The following NIPSNAP3A variants were observed in gnomAD, a reference collection of about 807,000 sequenced individuals.
The protein encoded by NIPSNAP3A is protein NipSnap homolog 3A.
A neutral mutation model predicts 32.3 loss-of-function variants in NIPSNAP3A; 27 were observed. That is an observed-to-expected ratio of 0.84 (90% confidence interval 0.62 to 1.15). The LOEUF (loss-of-function observed/expected upper bound fraction) is 1.15, where lower values mean the gene tolerates loss of function less well. NIPSNAP3A is among the 50% of genes most tolerant of loss of function. NIPSNAP3A has a pLI of 0.00. For missense variants in NIPSNAP3A, 278 were observed against 297.2 expected (o/e 0.94, Z 0.48); for synonymous variants, 108 against 107.3 (o/e 1.01, Z -0.04).
At chr9:104,748,055 G>A (rs1827798542) in intron 1 of NIPSNAP3A, among the ~76,000 whole-genome samples, 1 of 152,176 alleles carries the variant, frequency 6.6e-6, no homozygotes, top group South Asian at 2.1e-4. Flanking sequence ...GCCGCTGCTA[G>A]GGGAATACCC....
chr9:104,756,567 G>A (rs1046366981), intron 4 of NIPSNAP3A, among the ~76,000 whole-genome samples: 9 of 151,920 alleles, frequency 5.9e-5, no homozygotes, highest in Admixed American at 1.3e-4. Context: ...TATAGTATTA[G>A]GTCAGGAAAA....
At position 104,753,057 on chromosome 9, in the gene NIPSNAP3A, A is replaced by G. The variant is rs764446164; in HGVS notation, c.423A>G (p.Pro141=). 5.0e-6 allele frequency: 8 copies of G among 1,613,014 alleles called. 1 individual carries two copies. The South Asian group carries it at 7.7e-5, about 16-fold the overall frequency. The change falls in exon 3 of 6, where the codon CCA becomes CCG. Residue 141 remains proline (P), a synonymous_variant. Coordinates refer to ENST00000374767, the MANE Select transcript of NIPSNAP3A (RefSeq NM_015469.3). ...LVPWCKLEKP[P]KEGVYELATF... Reference sequence around the variant, plus strand: ...CATGGTGCAAATTAGAAAAACCTCCAAAAGAAGGTAAGTCCTTCCTTCTTA... The same window carrying G: ...CATGGTGCAAATTAGAAAAACCTCCGAAAGAAGGTAAGTCCTTCCTTCTTA...
At chr9:104,749,375 A>C (rs1445687496) in intron 1 of NIPSNAP3A, among the ~76,000 whole-genome samples, 1 of 152,258 alleles carries the variant, frequency 6.6e-6, no homozygotes, top group Non-Finnish European at 1.5e-5. Context: ...GAATAGAATT[A>C]ACTCTAGATA....
intron 3 of NIPSNAP3A, chr9:104,753,745 G>A (rs1827873761): frequency 6.6e-6 from 1 of 152,348 alleles, no homozygotes; most frequent in Non-Finnish European, 1.5e-5. Context: ...ACTTTGTAGT[G>A]TATTTAGGTT....
intron 4 of NIPSNAP3A, among the ~76,000 whole-genome samples, chr9:104,755,225 G>A (rs1330932753): frequency 2.7e-5 from 4 of 146,934 alleles, no homozygotes; most frequent in African/African-American, 1.0e-4. Flanking sequence ...TGGGTGACAA[G>A]AGCAAAACTC....
In NIPSNAP3A at chr9:104,759,455, CTA is replaced by C. The variant is rs1827947441; in HGVS notation, c.*119_*120del. The C allele has an allele frequency of 1.9e-5, 19 of 992,778 alleles. No individual in the cohort carries two copies. Among genetic ancestry groups the C allele is most frequent in the South Asian group, 1.7e-4 (12 of 70,418 alleles). 61.5% of individuals were successfully genotyped at this position (992,778 alleles called of 1,614,324 possible). On this transcript the variant is annotated 3_prime_UTR_variant, in exon 6 of 6. Coordinates refer to ENST00000374767, the MANE Select transcript of NIPSNAP3A (RefSeq NM_015469.3). ...TTGAAGGAGGTGTTAAGTTAATTTG[CTA>C]TGTTTCTTGCATTATGAAGGCTACA...
At chr9:104,751,258 T>C in intron 2 of NIPSNAP3A, 92 bp downstream of exon 2, 1 of 1,140,364 alleles carries the variant, frequency 8.8e-7, no homozygotes, top group African/African-American at 1.5e-5. Context: ...AACTTAGTTC[T>C]TGGATGTATA....
intron 2 of NIPSNAP3A, 93 bp from the exon 3 acceptor site, chr9:104,752,813 T>C: frequency 9.7e-7 from 1 of 1,027,172 alleles, no homozygotes; most frequent in Admixed American, 1.9e-5. Context: ...TTATATGGCA[T>C]CAATGACCAT....
At chr9:104,748,113 G>T (rs1342386142) in intron 1 of NIPSNAP3A, among the ~76,000 whole-genome samples, 1 of 152,114 alleles carries the variant, frequency 6.6e-6, no homozygotes, top group Non-Finnish European at 1.5e-5. Flanking sequence ...GGCTTTTCTA[G>T]CCTGGATGCC....
intron 2 of NIPSNAP3A, 34 bp downstream of exon 2, chr9:104,751,200 G>C (rs1428779306): frequency 1.9e-6 from 3 of 1,539,846 alleles, no homozygotes; most frequent in East Asian, 2.2e-5. Context: ...TTTCAGTATA[G>C]ATTTTCATTT....
chr9:104,755,222 CAA>C (rs1336436267), intron 4 of NIPSNAP3A, among the ~76,000 whole-genome samples: 3 of 147,464 alleles, frequency 2.0e-5, no homozygotes, highest in Non-Finnish European at 4.5e-5. Context: ...GCCTGGGTGA[CAA>C]GAGCAAAACT....
rs752733063 is a variant in NIPSNAP3A at position 104,747,856 on chromosome 9, C to G, written c.60+4C>G. 1 of 1,607,028 alleles carries G rather than the reference C, an allele frequency of 6.2e-7. No individual in the cohort carries two copies. The highest frequency in any genetic ancestry group is 1.3e-5 in the African/African-American group (1 of 74,660). The stretch of plus-strand genomic sequence containing the variant: ...CTCACGGACGCTGGCGCCTCAGGTA[C>G]CGGCCACGGGGGTACCCAAGCCTTC... On this transcript the variant is annotated splice_donor_region_variant and intron_variant, in intron 1 of 5. Coordinates refer to ENST00000374767, the MANE Select transcript of NIPSNAP3A (RefSeq NM_015469.3).
In NIPSNAP3A at chr9:104,759,387, T is replaced by C; in HGVS notation, c.*49T>C. On this transcript the variant is annotated 3_prime_UTR_variant, in exon 6 of 6. Transcript: ENST00000374767. ...TTCATTAACTGCTATAGGATCTGTC[T>C]GCTAATGGTGCTTAAATTCTCCCAA... is the stretch of plus-strand genomic sequence containing the variant. 6.5e-7 allele frequency: 1 copy of C among 1,548,208 alleles called. No homozygotes were observed. The highest frequency in any genetic ancestry group is 8.9e-7 in the Non-Finnish European group (1 of 1,123,764).
intron 4 of NIPSNAP3A, 123 bp downstream of exon 4, chr9:104,754,823 T>G: frequency 2.6e-6 from 2 of 765,184 alleles, no homozygotes; most frequent in Non-Finnish European, 2.1e-6. Flanking sequence ...TTTAGTTTTT[T>G]GTAATTTTTA....
intron 4 of NIPSNAP3A, among the ~76,000 whole-genome samples, chr9:104,755,924 A>G (rs559210744): frequency 3.3e-5 from 5 of 152,128 alleles, no homozygotes; most frequent in Non-Finnish European, 5.9e-5. Context: ...TGTCTCTTAA[A>G]AAAAAAAAGT....
chr9:104,759,528 T>C lies in NIPSNAP3A; in HGVS notation c.*190T>C. ...CTTCAAAAAATAGTTCTGTTTACTT[T>C]CTGCATGGTATTTCAGTGTCTGTCA... On this transcript the variant is annotated 3_prime_UTR_variant, in exon 6 of 6. Coordinates refer to ENST00000374767, the MANE Select transcript of NIPSNAP3A (RefSeq NM_015469.3). 6.7e-6 allele frequency: 4 copies of C among 593,806 alleles called. No individual in the cohort carries two copies. The allele number at this position is 593,806 out of a possible 1,614,324, so 36.8% of individuals were successfully genotyped here.
chr9:104,754,983 G>A (rs552788798), intron 4 of NIPSNAP3A, among the ~76,000 whole-genome samples: 120 of 152,244 alleles, frequency 7.9e-4, no homozygotes, highest in Admixed American at 1.6e-3. Context: ...GCTCAGGCCT[G>A]TAATCCCAGC....
rs746132476 is a variant in NIPSNAP3A, at chr9:104,747,811, G to C, written c.19G>C (p.Ala7Pro). 1 of 1,609,458 alleles carries C rather than the reference G, an allele frequency of 6.2e-7. No individual in the cohort carries two copies. The highest frequency in any genetic ancestry group is 1.1e-5 in the South Asian group (1 of 90,652). Residue 7 changes from alanine to proline, a missense_variant, in exon 1 of 6, where the codon GCC (alanine) becomes CCC (proline). Ala to Pro is a conservative substitution (Grantham distance 27). Transcript: ENST00000374767. Reference protein sequence around the residue: MLVLRSALTRALASRTL... With the variant: MLVLRSPLTRALASRTL... ...CCGCGCCATGCTCGTCCTCAGAAGC[G>C]CCCTGACTCGGGCGCTGGCCTCACG...
chr9:104,749,116 C>T (rs73663518), intron 1 of NIPSNAP3A, among the ~76,000 whole-genome samples: 1,811 of 152,282 alleles, frequency 0.012, 35 homozygotes, highest in African/African-American at 0.042. Flanking sequence ...CTATTTTATC[C>T]TCCAAATACA....
Sources: gnomAD v4.1 joint callset for allele counts (sites outside exome capture counted in the v4.1 genomes callset) on GRCh38, gnomAD v4.1.1 for gene constraint, MANE v1.5 for transcripts, NCBI Gene and HGNC (gene_info 2026-07-23, HGNC 2026-07-21) for gene names.